The following RNF144A variants were observed in gnomAD, a reference collection of about 807,000 sequenced individuals.
RNF144A encodes the protein ring finger protein 144A.
In RNF144A, 11 loss-of-function variants were observed where a neutral mutation model predicts 38.7. That is an observed-to-expected ratio of 0.28 (90% CI 0.18 to 0.47). The LOEUF is 0.47. Among genes scored for constraint, RNF144A ranks in the 20% least tolerant of loss-of-function variants. The pLI is 0.99. For missense variants in RNF144A, 316 were observed against 377.2 expected (o/e 0.84, Z 1.34); for synonymous variants, 149 against 143.9 (o/e 1.04, Z -0.25).
intron 7 of RNF144A, among the ~76,000 whole-genome samples, chr2:7,028,372 A>G (rs935811218): frequency 2.0e-5 from 3 of 152,168 alleles, no homozygotes; most frequent in Non-Finnish European, 4.4e-5. Context: ...GTGCTTCCCA[A>G]GGATAGGATG....
At chr2:7,057,068 A>G (rs309278) in intron 6 of RNF144A, among the ~76,000 whole-genome samples, 79,331 of 151,980 alleles carry the variant, frequency 0.52, 21,287 homozygotes, top group East Asian at 0.79. Flanking sequence ...ATACATCAAC[A>G]GGAGGTGAGA....
chr2:7,061,829 T>C (rs1343546095), intron 6 of RNF144A, among the ~76,000 whole-genome samples: 3 of 152,236 alleles, frequency 2.0e-5, no homozygotes, highest in African/African-American at 7.2e-5. Context: ...TCTTTAGATA[T>C]ATTATATGAT....
chr2:7,044,234 G>A, downstream of RNF144A: 1 of 950,620 alleles, frequency 1.1e-6, no homozygotes, highest in Non-Finnish European at 1.3e-6. Context: ...CCTGAAGATG[G>A]AAAATATTCT....
chr2:6,996,764 A>G (rs1232911516), intron 2 of RNF144A, 152 bp from the exon 3 acceptor site: 6 of 784,928 alleles, frequency 7.6e-6, no homozygotes, highest in South Asian at 7.5e-5. Flanking sequence ...AAAAAAACCA[A>G]AAAATTCTCA....
Position 6,993,826 on chromosome 2 carries a change from G to A in RNF144A, c.-11-3090G>A, listed in dbSNP as rs373717872. Among the ~76,000 whole-genome samples, 45 of 152,166 alleles carry A rather than the reference G, an allele frequency of 3.0e-4. 2 individuals are homozygous for A. Among genetic ancestry groups the A allele is most frequent in the Middle Eastern group, 3.4e-3 (1 of 294 alleles). On this transcript the variant is annotated intron_variant, in intron 2 of 8. Coordinates refer to ENST00000320892, the MANE Select transcript of RNF144A (RefSeq NM_014746.6). ...ATCCATTTTGTCTATGTAGGTAAAA[G>A]TCTAAGCTTGTTAACCTGACATATC...
intron 3 of RNF144A, among the ~76,000 whole-genome samples, chr2:7,006,102 C>T (rs112002030): frequency 8.6e-5 from 13 of 151,822 alleles, no homozygotes; most frequent in African/African-American, 3.1e-4. Flanking sequence ...AGTCTAAAGC[C>T]CGGATCCCAA....
In RNF144A at chr2:6,917,444, C is replaced by T. The variant is rs1269930812; in HGVS notation, c.-390C>T. ...CGCGCTCGCGCCCCGCCCGCGCAGCCGCTTCTCCCCGCGCGGGCTCTCGGC... is the reference window on the plus strand; with the variant it reads ...CGCGCTCGCGCCCCGCCCGCGCAGCTGCTTCTCCCCGCGCGGGCTCTCGGC... On this transcript the variant is annotated 5_prime_UTR_variant, in exon 1 of 9. Transcript: ENST00000320892. The surrounding 1 kb of genome is among the most constrained non-coding windows in gnomAD (Gnocchi z 4.8). 6.8e-6 allele frequency: 1 copy of T among 146,788 alleles called. No homozygotes were observed. The highest frequency in any genetic ancestry group is 1.5e-5 in the Non-Finnish European group (1 of 66,056). The allele number at this position is 146,788 out of a possible 1,614,324, so 9.1% of individuals were successfully genotyped here.
At chr2:6,963,936 G>T (rs897270760) in intron 2 of RNF144A, among the ~76,000 whole-genome samples, 1 of 152,108 alleles carries the variant, frequency 6.6e-6, no homozygotes, top group African/African-American at 2.4e-5. Context: ...ACCTGGCCTT[G>T]CATTTTCCTC....
intron 5 of RNF144A, among the ~76,000 whole-genome samples, chr2:7,017,318 T>G (rs1356505637): frequency 3.4e-5 from 2 of 58,918 alleles, no homozygotes; most frequent in Non-Finnish European, 7.5e-5. Flanking sequence ...TTTTTTGTTC[T>G]TTGTTTTTTT....
At chr2:6,950,736 C>T (rs892662309) in intron 2 of RNF144A, among the ~76,000 whole-genome samples, 5 of 152,128 alleles carry the variant, frequency 3.3e-5, no homozygotes, top group Admixed American at 1.3e-4. Context: ...TTAATTTTTG[C>T]CAAATTAATG....
rs1001129258 is a variant in RNF144A at position 7,040,876 on chromosome 2, T to C, written c.*1116T>C. 2.0e-6 allele frequency: 2 copies of C among 985,484 alleles called. No homozygotes were observed. The highest frequency in any genetic ancestry group is 2.4e-6 in the Non-Finnish European group (2 of 829,944). The allele number at this position is 985,484 out of a possible 1,614,324, so 61.0% of individuals were successfully genotyped here. A position where few individuals can be genotyped will look rare whatever the true frequency, so the allele number is the denominator to read the frequency against. On this transcript the variant is annotated 3_prime_UTR_variant, in exon 9 of 9. Transcript: ENST00000320892. ...CTGTTGCTAACCGTTTTGCTCTTGT[T>C]GGGGAAAAGAACCTCCCATTTCACT...
chr2:7,046,281 G>T (rs1055770514), downstream of RNF144A, among the ~76,000 whole-genome samples: 1 of 152,190 alleles, frequency 6.6e-6, no homozygotes, highest in African/African-American at 2.4e-5. Context: ...CCTGGTGTTG[G>T]CTACTCGCTC....
At chr2:7,068,132 A>G (rs979932747) in intron 6 of RNF144A, 3 of 694,474 alleles carry the variant, frequency 4.3e-6, no homozygotes, top group African/African-American at 3.7e-5. Context: ...TGGTCCCTCT[A>G]TTGTGATGTG....
intron 1 of RNF144A, among the ~76,000 whole-genome samples, chr2:6,928,350 G>C (rs528974063): frequency 6.6e-6 from 1 of 152,154 alleles, no homozygotes; most frequent in East Asian, 1.9e-4. Flanking sequence ...TTCTCCTCTG[G>C]GTCCACCACC....
At chr2:6,979,499 C>T (rs1668502396) in intron 2 of RNF144A, among the ~76,000 whole-genome samples, 1 of 152,090 alleles carries the variant, frequency 6.6e-6, no homozygotes, top group Admixed American at 6.5e-5. Context: ...AACAGACATT[C>T]TTCTCAGGTG....
At chr2:6,918,017 C>T (rs986024699) in intron 1 of RNF144A, among the ~76,000 whole-genome samples, 1 of 151,826 alleles carries the variant, frequency 6.6e-6, no homozygotes, top group Non-Finnish European at 1.5e-5. Flanking sequence ...GTCCCGCGGG[C>T]GAGCTGGCGG....
At chr2:6,935,476 G>A (rs534345550) in intron 1 of RNF144A, among the ~76,000 whole-genome samples, 3 of 152,306 alleles carry the variant, frequency 2.0e-5, no homozygotes, top group South Asian at 4.1e-4. Flanking sequence ...AGGGCCCCAC[G>A]GCTCCATCCT....
At chr2:7,051,520 C>T (rs1001561863) in intron 6 of RNF144A, among the ~76,000 whole-genome samples, 4 of 152,112 alleles carry the variant, frequency 2.6e-5, no homozygotes, top group Non-Finnish European at 4.4e-5. Context: ...GTTAGGAAGC[C>T]GCCAAAAGGA....
intron 1 of RNF144A, among the ~76,000 whole-genome samples, chr2:6,927,032 C>T (rs1465507040): frequency 6.6e-6 from 1 of 152,180 alleles, no homozygotes; most frequent in Non-Finnish European, 1.5e-5. Flanking sequence ...TTGTTGAGTC[C>T]AGTTTCACTG....
Sources: gnomAD v4.1 joint callset for allele counts (sites outside exome capture counted in the v4.1 genomes callset) on GRCh38, gnomAD v4.1.1 for gene constraint, Gnocchi (gnomAD v3.1) non-coding constraint, MANE v1.5 for transcripts, NCBI Gene and HGNC (gene_info 2026-07-23, HGNC 2026-07-21) for gene names.